The following MCM3 variants were observed in gnomAD, a reference collection of about 807,000 sequenced individuals.
MCM3 encodes DNA replication licensing factor MCM3.
Under a neutral mutation model 91.3 loss-of-function variants are expected in MCM3, and 59 were observed. The observed-to-expected ratio is 0.65, with a 90% CI of 0.52 to 0.80. MCM3 has a LOEUF of 0.80. MCM3 is among the 30% of genes least tolerant of loss of function. The probability of loss-of-function intolerance (pLI) is 0.00; values close to 1 mark genes in which losing one functional copy is unlikely to be tolerated. For missense variants in MCM3, 919 were observed against 1,035.4 expected, an observed-to-expected ratio of 0.89 and a Z score of 1.54; for synonymous variants, 383 against 379.6, an observed-to-expected ratio of 1.01 and a Z score of -0.10.
At chr6:52,278,000 G>A (rs1299694809) in intron 6 of MCM3, among the ~76,000 whole-genome samples, 5 of 148,502 alleles carry the variant, frequency 3.4e-5, no homozygotes, top group Admixed American at 6.8e-5. Flanking sequence ...CCCAAGAGGC[G>A]GAGGTTGCAG....
Position 52,277,086 on chromosome 6 carries a change from G to T in MCM3, c.1146C>A (p.Val382=). 1 of 1,613,980 alleles carries T rather than the reference G, an allele frequency of 6.2e-7. No homozygotes were observed. The highest frequency in any genetic ancestry group is 1.1e-5 in the South Asian group (1 of 91,068). Reference sequence around the variant, plus strand: ...CCTTACCTGTTTCCTGGTCTGTGGTGACAGCAGCCGTCAGACCCACTCCAG... The same window carrying T: ...CCTTACCTGTTTCCTGGTCTGTGGTTACAGCAGCCGTCAGACCCACTCCAG... The part of the protein sequence containing the change: ...GSSGVGLTAA[V]TTDQETGERR... The change falls in exon 8 of 17, where the codon GTC becomes GTA. Residue 382 remains valine, a synonymous_variant. Transcript: ENST00000596288.
chr6:52,282,674 C>A lies in MCM3; in HGVS notation c.379G>T (p.Val127Leu), dbSNP rs573520418. Reference protein sequence around the residue: ...TSCFLSCVVCVEGIVTKCSLV... With the variant: ...TSCFLSCVVCLEGIVTKCSLV... ...TTACATTTAGTGACAATGCCCTCCA[C>A]ACAGACCACACAGCTGAGGAAGCAG... The change falls in exon 3 of 17, where the codon GTG (valine) becomes TTG (leucine). Residue 127 changes from valine to leucine, a missense_variant. Val to Leu is a conservative substitution (Grantham distance 32). This residue lies in a region of MCM3 where 401 missense variants were observed against 402.7 expected (regional missense o/e 1.00). Coordinates refer to ENST00000596288, the MANE Select transcript of MCM3 (RefSeq NM_002388.6). 1 of 1,613,464 alleles carries A rather than the reference C, an allele frequency of 6.2e-7. No homozygotes were observed. Among genetic ancestry groups the A allele is most frequent in the African/African-American group, 1.3e-5 (1 of 75,034 alleles).
chr6:52,278,680 G>T, intron 6 of MCM3, 62 bp downstream of exon 6: 1 of 1,111,320 alleles, frequency 9.0e-7, no homozygotes, highest in Non-Finnish European at 1.3e-6. Flanking sequence ...AAATAGCCAT[G>T]CACCAAAACA....
At chr6:52,270,904 T>G (rs1480689177) in intron 12 of MCM3, among the ~76,000 whole-genome samples, 1 of 152,214 alleles carries the variant, frequency 6.6e-6, no homozygotes, top group Non-Finnish European at 1.5e-5. Flanking sequence ...AGTGATGCTC[T>G]GCGCATGCTG....
In MCM3 at chr6:52,282,896, G is replaced by C. The variant is rs367728907; in HGVS notation, c.192-35C>G. Reference sequence around the variant, plus strand: ...AGCAAGAGAAAGAAAAATTAGACTGGGCAGAACTCAAAAAAATGGATCCTC... The same window carrying C: ...AGCAAGAGAAAGAAAAATTAGACTGCGCAGAACTCAAAAAAATGGATCCTC... On this transcript the variant is annotated intron_variant, in intron 2 of 16. Coordinates refer to ENST00000596288, the MANE Select transcript of MCM3 (RefSeq NM_002388.6). 8.3e-5 allele frequency: 125 copies of C among 1,511,250 alleles called. No homozygotes were observed. The Middle Eastern group carries it at 1.1e-3, about 13-fold the overall frequency. 93.6% of individuals were successfully genotyped at this position (1,511,250 alleles called of 1,614,324 possible).
chr6:52,273,601 G>C (rs1765316790), intron 10 of MCM3, 141 bp downstream of exon 10: 1 of 875,712 alleles, frequency 1.1e-6, no homozygotes, highest in East Asian at 2.6e-5. Flanking sequence ...TAAGCAAGAA[G>C]GGGAGGTGGC....
At chr6:52,268,467 C>G (rs1764821274) in intron 13 of MCM3, among the ~76,000 whole-genome samples, 2 of 152,094 alleles carry the variant, frequency 1.3e-5, no homozygotes, top group African/African-American at 4.8e-5. Flanking sequence ...CTTAACCTAG[C>G]AAAAAGCAAG....
chr6:52,277,805 AG>A, intron 6 of MCM3, 117 bp from the exon 7 acceptor site: 2 of 866,392 alleles, frequency 2.3e-6, no homozygotes, highest in Non-Finnish European at 1.8e-6. Flanking sequence ...GCAGTGGCTC[AG>A]GTCTGTAATC....
intron 1 of MCM3, among the ~76,000 whole-genome samples, chr6:52,283,849 C>G (rs977420552): frequency 6.6e-6 from 1 of 152,218 alleles, no homozygotes; most frequent in South Asian, 2.1e-4. Context: ...TATATCAAAA[C>G]ATGTGCACTT....
rs1233590793 is a variant in MCM3 at position 52,284,714 on chromosome 6, A to C, written c.-40T>G. ...AACTACCTCCACCAAAGTCGCGTGG[A>C]GGTTCCCAGGATGACTCCACCCCGG... is the stretch of plus-strand genomic sequence containing the variant. On this transcript the variant is annotated 5_prime_UTR_variant, in exon 1 of 17. Coordinates refer to ENST00000596288, the MANE Select transcript of MCM3 (RefSeq NM_002388.6). The C allele has an allele frequency of 1.3e-6, 2 of 1,583,006 alleles. No homozygotes were observed. Among genetic ancestry groups the C allele is most frequent in the Non-Finnish European group, 1.7e-6 (2 of 1,166,030 alleles).
At chr6:52,277,794 C>G (rs569492178) in intron 6 of MCM3, 106 bp from the exon 7 acceptor site, 2 of 981,864 alleles carry the variant, frequency 2.0e-6, no homozygotes, top group African/African-American at 3.3e-5. Flanking sequence ...GAGGGCCAGG[C>G]GCAGTGGCTC....
chr6:52,273,641 C>G, intron 10 of MCM3, 101 bp downstream of exon 10: 3 of 1,253,414 alleles, frequency 2.4e-6, no homozygotes, highest in South Asian at 1.4e-5. Flanking sequence ...CAACATCAAC[C>G]CGGACACTGA....
Position 52,273,895 on chromosome 6 carries a change from T to C in MCM3, c.1396A>G (p.Met466Val), listed in dbSNP as rs772761476. 27 of 1,613,650 alleles carry C rather than the reference T, an allele frequency of 1.7e-5. No individual in the cohort carries two copies. Among genetic ancestry groups the C allele is most frequent in the Admixed American group, 1.3e-4 (8 of 59,960 alleles). ...YGRYDQYKTP[M>V]ENIGLQDSLL... Reference sequence around the variant, plus strand: ...GAGTCCTGTAGCCCAATGTTCTCCATTGGAGTCTTATACTGGTCATACTGG... The same window carrying C: ...GAGTCCTGTAGCCCAATGTTCTCCACTGGAGTCTTATACTGGTCATACTGG... The change falls in exon 10 of 17, where the codon ATG becomes GTG. Residue 466 changes from methionine to valine, a missense_variant. Around this residue, in one of 3 missense-constraint regions of MCM3, gnomAD observed 233 missense variants for 321.2 expected, o/e 0.73. Coordinates refer to ENST00000596288, the MANE Select transcript of MCM3 (RefSeq NM_002388.6).
At chr6:52,281,958 A>G in intron 4 of MCM3, 87 bp downstream of exon 4, 2 of 1,368,940 alleles carry the variant, frequency 1.5e-6, no homozygotes, top group Non-Finnish European at 9.9e-7. Flanking sequence ...CAGAAAAAAG[A>G]CTTCAGATAT....
At chr6:52,271,965 C>G (rs368748243) in intron 12 of MCM3, among the ~76,000 whole-genome samples, 2 of 152,162 alleles carry the variant, frequency 1.3e-5, no homozygotes, top group African/African-American at 4.8e-5. Context: ...TCCCCCGCTC[C>G]GGATCTGAGC....
rs199771998 is a variant in MCM3 at position 52,282,067 on chromosome 6, G to A, written c.509C>T (p.Ser170Phe). The A allele has an allele frequency of 1.2e-6, 2 of 1,614,154 alleles. No individual in the cohort carries two copies. Among genetic ancestry groups the A allele is most frequent in the Non-Finnish European group, 1.7e-6 (2 of 1,180,022 alleles). The change falls in exon 4 of 17, where the codon TCC becomes TTC. Residue 170 changes from serine (S) to phenylalanine (F), a missense_variant. Around this residue, in one of 3 missense-constraint regions of MCM3, gnomAD observed 401 missense variants for 402.7 expected, o/e 1.00. Coordinates refer to ENST00000596288, the MANE Select transcript of MCM3 (RefSeq NM_002388.6). ...TACCTTGGTAGGATAGACAGAGCTGGAGGGAAAGGCCACCAGGGTGGTGAG... is the reference window on the plus strand; with the variant it reads ...TACCTTGGTAGGATAGACAGAGCTGAAGGGAAAGGCCACCAGGGTGGTGAG... ...SDLTTLVAFPSSSVYPTKDEE... is the reference protein window; with the variant it reads ...SDLTTLVAFPFSSVYPTKDEE...
At chr6:52,282,619 T>A in intron 3 of MCM3, 34 bp downstream of exon 3, 1 of 1,599,746 alleles carries the variant, frequency 6.3e-7, no homozygotes, top group Non-Finnish European at 8.6e-7. Context: ...CCCTGTCTAT[T>A]CATTTCCTAA....
chr6:52,274,097 T>C (rs976234483), intron 9 of MCM3, among the ~76,000 whole-genome samples, 181 bp from the exon 10 acceptor site: 2 of 152,240 alleles, frequency 1.3e-5, no homozygotes, highest in African/African-American at 4.8e-5. Flanking sequence ...CTCTTCTACC[T>C]GCAACCCTTC....
At position 52,272,283 on chromosome 6, in the gene MCM3, G is replaced by T; in HGVS notation, c.1827+18C>A. 1 of 1,610,342 alleles carries T rather than the reference G, an allele frequency of 6.2e-7. No homozygotes were observed. Reference sequence around the variant, plus strand: ...TATACCTAAGGGACCCCAAGCCTAGGCTCCCCCAGGCACTCACCCTGGCGG... The same window carrying T: ...TATACCTAAGGGACCCCAAGCCTAGTCTCCCCCAGGCACTCACCCTGGCGG... On this transcript the variant is annotated intron_variant, in intron 12 of 16. Transcript: ENST00000596288.
Sources: gnomAD v4.1 joint callset for allele counts (sites outside exome capture counted in the v4.1 genomes callset) on GRCh38, gnomAD v4.1.1 for gene constraint, gnomAD v4.1.1 regional missense constraint, MANE v1.5 for transcripts, NCBI Gene and HGNC (gene_info 2026-07-23, HGNC 2026-07-21) for gene names.